Variants in RABL3 observed in about 807,000 individuals in gnomAD.
The protein encoded by RABL3 is RAB, member of RAS oncogene family like 3.
In RABL3, 31 loss-of-function variants were observed where a neutral mutation model predicts 31.8. The ratio of observed to expected loss-of-function variants is 0.97; its 90% CI spans 0.73 to 1.31. RABL3 has a LOEUF of 1.31. Ranked by LOEUF, RABL3 falls within the 40% of genes most tolerant of loss-of-function variation. The probability of loss-of-function intolerance (pLI) is 0.00; values close to 1 mark genes in which losing one functional copy is unlikely to be tolerated. For missense variants in RABL3, 263 were observed against 279.6 expected (o/e 0.94, Z 0.42); for synonymous variants, 97 against 99.9 (o/e 0.97, Z 0.18).
At chr3:120,724,381 A>G (rs1025117936) in intron 2 of RABL3, among the ~76,000 whole-genome samples, 4 of 152,222 alleles carry the variant, frequency 2.6e-5, no homozygotes, top group African/African-American at 9.6e-5. Context: ...TGCCCAAGGT[A>G]ATTTATAGAT....
intron 4 of RABL3, among the ~76,000 whole-genome samples, chr3:120,702,468 A>ACTCACCTCCCACTGTGTGGCCTGGTTC (rs1170370784): frequency 6.6e-6 from 1 of 151,444 alleles, no homozygotes; most frequent in East Asian, 1.9e-4. Flanking sequence ...CTCACCTGCC[A>ACTCACCTCCCACTGTGTGGCCTGGTTC]CTCACCTCCC....
rs1167070920 is a variant in RABL3, at chr3:120,721,338, T to C, written c.138+9358A>G. On this transcript the variant is annotated intron_variant, in intron 2 of 7. Coordinates refer to ENST00000273375, the MANE Select transcript of RABL3 (RefSeq NM_173825.5). The stretch of plus-strand genomic sequence containing the variant: ...AGGATCAAATTCACACATAACAATA[T>C]TAACCTTAAATTGTAAGTGGGCTAA... Among the ~76,000 whole-genome samples, 4 of 152,144 alleles carry C rather than the reference T, an allele frequency of 2.6e-5. No homozygotes were observed. The South Asian group carries it at 6.2e-4, about 24-fold the overall frequency.
intron 1 of RABL3, among the ~76,000 whole-genome samples, chr3:120,737,025 G>A (rs1264467116): frequency 6.6e-6 from 1 of 152,210 alleles, no homozygotes; most frequent in African/African-American, 2.4e-5. Flanking sequence ...CTCTTGAGGA[G>A]TATCTTTGTG....
At chr3:120,731,964 C>T (rs972882103) in intron 1 of RABL3, among the ~76,000 whole-genome samples, 1 of 152,050 alleles carries the variant, frequency 6.6e-6, no homozygotes, top group African/African-American at 2.4e-5. Context: ...CAGGCTGAGG[C>T]AGGATGATCC....
At chr3:120,734,219 C>T (rs1188048050) in intron 1 of RABL3, among the ~76,000 whole-genome samples, 4 of 152,268 alleles carry the variant, frequency 2.6e-5, no homozygotes, top group South Asian at 2.1e-4. Context: ...TCTTTTACTT[C>T]GTTGAGCAGT....
chr3:120,688,835 A>C lies in RABL3; in HGVS notation c.*988T>G, dbSNP rs1181223393. 1 of 152,164 alleles carries C rather than the reference A, an allele frequency of 6.6e-6. No individual in the cohort carries two copies. Among genetic ancestry groups the C allele is most frequent in the Non-Finnish European group, 1.5e-5 (1 of 68,012 alleles). The allele number at this position is 152,164 out of a possible 1,614,324, so 9.4% of individuals were successfully genotyped here. A position where few individuals can be genotyped will look rare whatever the true frequency, so the allele number is the denominator to read the frequency against. ...ACACACCATCCCCAAAAAGCTTTGG[A>C]GTGATTATGAAATCCAAGAATCCTA... is the stretch of plus-strand genomic sequence containing the variant. On this transcript the variant is annotated 3_prime_UTR_variant, in exon 8 of 8. Coordinates refer to ENST00000273375, the MANE Select transcript of RABL3 (RefSeq NM_173825.5).
At chr3:120,691,004 G>C (rs1708373847) in intron 6 of RABL3, among the ~76,000 whole-genome samples, 2 of 152,064 alleles carry the variant, frequency 1.3e-5, no homozygotes, top group South Asian at 2.1e-4. Context: ...GCAGTCTAAT[G>C]ACTGTTGTAA....
At position 120,687,146 on chromosome 3, in the gene RABL3, A is replaced by C. The variant is rs1708318458; in HGVS notation, c.*2677T>G. ...ATTCCAGCTAAGTCTTATACACCTA[A>C]GGGACAGAGGAGTAGTCATATATAT... On this transcript the variant is annotated 3_prime_UTR_variant, in exon 8 of 8. Coordinates refer to ENST00000273375, the MANE Select transcript of RABL3 (RefSeq NM_173825.5). 6.6e-6 allele frequency: 1 copy of C among 152,222 alleles called. No homozygotes were observed. Among genetic ancestry groups the C allele is most frequent in the Admixed American group, 6.5e-5 (1 of 15,282 alleles). 9.4% of individuals were successfully genotyped at this position (152,222 alleles called of 1,614,324 possible).
At chr3:120,733,688 G>A (rs1333507478) in intron 1 of RABL3, among the ~76,000 whole-genome samples, 5 of 152,116 alleles carry the variant, frequency 3.3e-5, no homozygotes, top group Admixed American at 3.3e-4. Flanking sequence ...TATGGTTTTA[G>A]GTCTAACGTT....
intron 2 of RABL3, among the ~76,000 whole-genome samples, chr3:120,723,011 T>C (rs1708767268): frequency 1.3e-5 from 2 of 152,164 alleles, no homozygotes; most frequent in South Asian, 4.1e-4. Context: ...ATCCAGGAGC[T>C]GGTTTTTTGA....
intron 4 of RABL3, among the ~76,000 whole-genome samples, chr3:120,698,919 C>T (rs1012835118): frequency 6.6e-6 from 1 of 152,154 alleles, no homozygotes; most frequent in East Asian, 1.9e-4. Flanking sequence ...GTTAACATAA[C>T]AGCTCAGGAA....
intron 1 of RABL3, 89 bp from the exon 2 acceptor site, chr3:120,730,876 T>A: frequency 1.2e-6 from 1 of 834,780 alleles, no homozygotes; most frequent in East Asian, 2.5e-5. Flanking sequence ...ACAGGAATAA[T>A]GTTAAGTAAA....
rs890075181 is a variant in RABL3, at chr3:120,685,130, T to C, written c.*4693A>G. Among the ~76,000 whole-genome samples, 14 of 152,312 alleles carry C rather than the reference T, an allele frequency of 9.2e-5. No homozygotes were observed. The highest frequency in any genetic ancestry group is 1.5e-4 in the Non-Finnish European group (10 of 68,016). ...AGGGAGGGCTTCCCAGAGAAGACTA[T>C]GTCTGAGCCAAGTCCCATAGAGTAA... On this transcript the variant is annotated 3_prime_UTR_variant, in exon 8 of 8. Transcript: ENST00000273375.
At chr3:120,722,835 A>G (rs1158575081) in intron 2 of RABL3, among the ~76,000 whole-genome samples, 1 of 152,184 alleles carries the variant, frequency 6.6e-6, no homozygotes, top group Non-Finnish European at 1.5e-5. Context: ...AATGCCCACA[A>G]GAGAAAGCAG....
chr3:120,691,787 G>A (rs1404910715), intron 6 of RABL3, among the ~76,000 whole-genome samples: 4 of 152,106 alleles, frequency 2.6e-5, no homozygotes, highest in Non-Finnish European at 5.9e-5. Flanking sequence ...CTGAAATTAT[G>A]CAGCTAAGAG....
intron 2 of RABL3, among the ~76,000 whole-genome samples, chr3:120,723,446 TATGAGGCCAGCATC>T (rs1286219114): frequency 5.3e-5 from 8 of 152,210 alleles, no homozygotes; most frequent in Non-Finnish European, 1.0e-4. Flanking sequence ...TAACTCATTT[TATGAGGCCAGCATC>T]ATCCTGATAC....
rs74763243 is a variant in RABL3 at position 120,728,860 on chromosome 3, A to G, written c.138+1836T>C. On this transcript the variant is annotated intron_variant, in intron 2 of 7. Coordinates refer to ENST00000273375, the MANE Select transcript of RABL3 (RefSeq NM_173825.5). ...AAGAGAAAGTTAGGAGAAAGAAAGG[A>G]ATATCCCCAAATGCTAGAAATGAAG... 7.6e-3 allele frequency among the ~76,000 whole-genome samples: 1,161 copies of G among 152,308 alleles called. 15 individuals carry two copies. The highest frequency in any genetic ancestry group is 0.026 in the African/African-American group (1,101 of 41,572).
Position 120,685,658 on chromosome 3 carries a change from T to C in RABL3, c.*4165A>G, listed in dbSNP as rs1037836606. On this transcript the variant is annotated 3_prime_UTR_variant, in exon 8 of 8. Transcript: ENST00000273375. Reference sequence around the variant, plus strand: ...GAGTGGGGAGGAGTGGATCAGTTCATTAAGGTGAGATCAGGTTGAGGCAGT... The same window carrying C: ...GAGTGGGGAGGAGTGGATCAGTTCACTAAGGTGAGATCAGGTTGAGGCAGT... 2.0e-5 allele frequency among the ~76,000 whole-genome samples: 3 copies of C among 152,210 alleles called. No individual in the cohort carries two copies. Among genetic ancestry groups the C allele is most frequent in the East Asian group, 1.9e-4 (1 of 5,198 alleles).
intron 1 of RABL3, among the ~76,000 whole-genome samples, chr3:120,734,505 T>C (rs1381928754): frequency 2.0e-5 from 3 of 152,218 alleles, no homozygotes; most frequent in African/African-American, 4.8e-5. Flanking sequence ...ACAATTTGAC[T>C]TCCTCTTTTC....
Sources: allele counts gnomAD v4.1 joint callset (sites outside exome capture counted in the v4.1 genomes callset), GRCh38; gene constraint gnomAD v4.1.1; transcripts MANE v1.5; gene names NCBI Gene and HGNC (gene_info 2026-07-23, HGNC 2026-07-21).